Variants in CACNA1S observed in about 807,000 individuals in gnomAD.
CACNA1S encodes the protein calcium voltage-gated channel subunit alpha1 S, also known as voltage-dependent L-type calcium channel subunit alpha-1S.
In CACNA1S, 126 loss-of-function variants were observed where a neutral mutation model predicts 207.4. That is an observed-to-expected ratio of 0.61 (90% CI 0.53 to 0.70). The LOEUF (loss-of-function observed/expected upper bound fraction) is 0.70, where lower values mean the gene tolerates loss of function less well. CACNA1S is among the 30% of genes least tolerant of loss of function. The pLI is 0.00. For missense variants in CACNA1S, 2,349 were observed against 2,422.8 expected, an observed-to-expected ratio of 0.97 and a Z score of 0.64; for synonymous variants, 960 against 932.7, an observed-to-expected ratio of 1.03 and a Z score of -0.53.
In CACNA1S at chr1:201,078,083, A is replaced by G; in HGVS notation, c.1415T>C (p.Leu472Pro). The change falls in exon 11 of 44, where the codon CTG becomes CCG. Residue 472 changes from leucine (L) to proline (P), a missense_variant. Transcript: ENST00000362061. ...CAGCATCTCAGTGGTGAAGAGGGAC[A>G]GCAGCACCCGGTTGGCAATGTCTGT... is the stretch of plus-strand genomic sequence containing the variant. ...RLQDIANRVL[L>P]SLFTTEMLMK... The G allele has an allele frequency of 6.2e-7, 1 of 1,614,168 alleles. No homozygotes were observed. Among genetic ancestry groups the G allele is most frequent in the African/African-American group, 1.3e-5 (1 of 75,058 alleles).
At chr1:201,068,570 T>C (rs77682272) in intron 19 of CACNA1S, among the ~76,000 whole-genome samples, 4,277 of 149,602 alleles carry the variant, frequency 0.029, 197 homozygotes, top group African/African-American at 0.098. Flanking sequence ...GCTAACTGTA[T>C]GGAAGAAAAA....
At chr1:201,043,162 C>T in intron 40 of CACNA1S, 119 bp downstream of exon 40, 1 of 1,363,932 alleles carries the variant, frequency 7.3e-7, no homozygotes, top group Non-Finnish European at 1.0e-6. Context: ...GATTGGGGCA[C>T]AAAGGCAAGC....
Position 201,072,788 on chromosome 1 carries a change from C to A in CACNA1S, c.2194G>T (p.Val732Leu), listed in dbSNP as rs1302329087. The change falls in exon 16 of 44, where the codon GTG becomes TTG. Residue 732 changes from valine to leucine, a missense_variant. Physicochemically the swap from Val to Leu is conservative, Grantham distance 32 (BLOSUM62 1). Transcript: ENST00000362061. The stretch of plus-strand genomic sequence containing the variant: ...TCGGCTGAGGGGTAGGGATCCTTCA[C>A]CTCATTGACATTAGATTCAAACTCA... The part of the protein sequence containing the change: ...IDEFESNVNE[V>L]KDPYPSADFP... 1 of 1,613,966 alleles carries A rather than the reference C, an allele frequency of 6.2e-7. No individual in the cohort carries two copies. The highest frequency in any genetic ancestry group is 8.5e-7 in the Non-Finnish European group (1 of 1,179,874).
At chr1:201,103,244 C>CA (rs1176886702) in intron 2 of CACNA1S, among the ~76,000 whole-genome samples, 24,799 of 118,118 alleles carry the variant, frequency 0.21, 2,271 homozygotes, top group African/African-American at 0.25. Flanking sequence ...GACTTGGTCT[C>CA]AAAAAAAAAA....
chr1:201,068,058 G>T (rs986594444), intron 19 of CACNA1S, among the ~76,000 whole-genome samples: 4 of 152,036 alleles, frequency 2.6e-5, no homozygotes, highest in Admixed American at 2.6e-4. Flanking sequence ...GGGAATGGGT[G>T]AGCAGTGACG....
At chr1:201,069,684 C>T in intron 17 of CACNA1S, 83 bp from the exon 18 acceptor site, 2 of 1,484,350 alleles carry the variant, frequency 1.3e-6, no homozygotes, top group Non-Finnish European at 1.8e-6. Context: ...TGCGGACGAA[C>T]ATGGAATACA....
chr1:201,054,326 G>A (rs568959708), intron 29 of CACNA1S, among the ~76,000 whole-genome samples, 179 bp downstream of exon 29: 5 of 152,266 alleles, frequency 3.3e-5, no homozygotes, highest in South Asian at 2.1e-4. Flanking sequence ...ATGCACACTT[G>A]ACTGCAGAGC....
At chr1:201,105,842 C>T (rs1020292495) in intron 2 of CACNA1S, among the ~76,000 whole-genome samples, 2 of 152,150 alleles carry the variant, frequency 1.3e-5, no homozygotes, top group African/African-American at 4.8e-5. Context: ...GAGCCTATTC[C>T]CACAGACAGC....
chr1:201,062,008 A>G lies in CACNA1S; in HGVS notation c.2989T>C (p.Phe997Leu). 6.2e-7 allele frequency: 1 copy of G among 1,614,196 alleles called. No individual in the cohort carries two copies. Among genetic ancestry groups the G allele is most frequent in the Non-Finnish European group, 8.5e-7 (1 of 1,180,022 alleles). Reference protein sequence around the residue: ...HREWVHSDFHFDNVLSAMMSL... With the variant: ...HREWVHSDFHLDNVLSAMMSL... ...ATCATGGCTGAGAGCACATTGTCGA[A>G]GTGGAAGTCGCTGTGTACCCACTCG... The change falls in exon 24 of 44, where the codon TTC becomes CTC. Residue 997 changes from phenylalanine to leucine, a missense_variant. Physicochemically the swap from Phe to Leu is conservative, Grantham distance 22. Coordinates refer to ENST00000362061, the MANE Select transcript of CACNA1S (RefSeq NM_000069.3).
Position 201,083,175 on chromosome 1 carries a change from C to G in CACNA1S, c.1380G>C (p.Leu460=). The G allele has an allele frequency of 4.3e-6, 7 of 1,614,172 alleles. No homozygotes were observed. Among genetic ancestry groups the G allele is most frequent in the Non-Finnish European group, 5.9e-6 (7 of 1,180,046 alleles). Residue 460 remains leucine, a synonymous_variant, in exon 10 of 44, where the codon CTG becomes CTC. Coordinates refer to ENST00000362061, the MANE Select transcript of CACNA1S (RefSeq NM_000069.3). ...GTTCCGCCTCACCTTGCAAACGGGT[C>G]AGCCAGAGAGGCTGGTTGTGGTGCT... is the stretch of plus-strand genomic sequence containing the variant. ...ASEHHNQPLW[L]TRLQDIANRV...
In CACNA1S at chr1:201,066,124, TG is replaced by T; in HGVS notation, c.2745+104del. On this transcript the variant is annotated intron_variant, in intron 21 of 43. Coordinates refer to ENST00000362061, the MANE Select transcript of CACNA1S (RefSeq NM_000069.3). The surrounding 1 kb of genome is among the most constrained non-coding windows in gnomAD (Gnocchi z 4.3). Reference sequence around the variant, plus strand: ...CCTTACCCCTATCTGCCCAGGGAGATGGGACAGGGGTCCCAGCCATGGCTGG... The same window carrying T: ...CCTTACCCCTATCTGCCCAGGGAGATGGACAGGGGTCCCAGCCATGGCTGG... 8.7e-7 allele frequency: 1 copy of T among 1,155,016 alleles called. No individual in the cohort carries two copies. The highest frequency in any genetic ancestry group is 1.3e-6 in the Non-Finnish European group (1 of 770,336). 71.5% of individuals were successfully genotyped at this position (1,155,016 alleles called of 1,614,324 possible).
At chr1:201,046,570 T>A (rs1660478926) in intron 38 of CACNA1S, among the ~76,000 whole-genome samples, 1 of 152,090 alleles carries the variant, frequency 6.6e-6, no homozygotes, top group South Asian at 2.1e-4. Context: ...TGAGACACAG[T>A]CTCACTCTGT....
intron 10 of CACNA1S, 30 bp from the exon 11 acceptor site, chr1:201,078,134 C>A: frequency 3.3e-6 from 5 of 1,532,886 alleles, no homozygotes; most frequent in Middle Eastern, 3.4e-4. Context: ...GCCCCGGCAT[C>A]ACTCTCCTTC....
At position 201,075,579 on chromosome 1, in the gene CACNA1S, T is replaced by C; in HGVS notation, c.1864A>G (p.Asn622Asp). 1 of 1,614,136 alleles carries C rather than the reference T, an allele frequency of 6.2e-7. No homozygotes were observed. Among genetic ancestry groups the C allele is most frequent in the Non-Finnish European group, 8.5e-7 (1 of 1,179,994 alleles). The change falls in exon 13 of 44, where the codon AAT becomes GAT. Residue 622 changes from asparagine to aspartate, a missense_variant. Transcript: ENST00000362061. ...GGCCCGCCGTAGGCCATGATCCCATTGTACATCATTGAGGTCCAGTCTTCC... is the reference window on the plus strand; with the variant it reads ...GGCCCGCCGTAGGCCATGATCCCATCGTACATCATTGAGGTCCAGTCTTCC... Reference protein sequence around the residue: ...TGEDWTSMMYNGIMAYGGPSY... With the variant: ...TGEDWTSMMYDGIMAYGGPSY...
chr1:201,061,598 G>T, intron 24 of CACNA1S, 130 bp from the exon 25 acceptor site: 1 of 893,292 alleles, frequency 1.1e-6, no homozygotes, highest in Non-Finnish European at 1.7e-6. Context: ...CAAGTTACGG[G>T]ACAGGAGTTA....
In CACNA1S at chr1:201,112,379, C is replaced by T. The variant is rs757459490; in HGVS notation, c.-40G>A. ...TCTGGCTTTCTCCTGCTCCCCCACC[C>T]CAGTGCTTTCCCTTCCCTGTGTCCC... On this transcript the variant is annotated 5_prime_UTR_variant, in exon 1 of 44. Transcript: ENST00000362061. The T allele has an allele frequency of 1.2e-6, 2 of 1,613,226 alleles. No individual in the cohort carries two copies. The highest frequency in any genetic ancestry group is 2.2e-5 in the South Asian group (2 of 91,040).
chr1:201,044,079 GA>G (rs1006321430), intron 39 of CACNA1S, among the ~76,000 whole-genome samples: 3 of 152,186 alleles, frequency 2.0e-5, no homozygotes, highest in Non-Finnish European at 4.4e-5. Context: ...GGTTTGTGGG[GA>G]GGAAAGGGAA....
At chr1:201,101,186 A>G (rs1016994128) in intron 2 of CACNA1S, among the ~76,000 whole-genome samples, 1 of 152,216 alleles carries the variant, frequency 6.6e-6, no homozygotes, top group Non-Finnish European at 1.5e-5. Flanking sequence ...AGTTCTTAAA[A>G]ATTCTTATCT....
intron 2 of CACNA1S, among the ~76,000 whole-genome samples, chr1:201,095,487 T>C (rs560442836): frequency 1.9e-4 from 29 of 152,144 alleles, no homozygotes; most frequent in Middle Eastern, 3.4e-3. Flanking sequence ...AGGGAAGAGG[T>C]CCCCAAATGG....
Sources: gnomAD v4.1 joint callset for allele counts (sites outside exome capture counted in the v4.1 genomes callset) on GRCh38, gnomAD v4.1.1 for gene constraint, Gnocchi (gnomAD v3.1) non-coding constraint, MANE v1.5 for transcripts, NCBI Gene and HGNC (gene_info 2026-07-23, HGNC 2026-07-21) for gene names.